The following HTT-AS variants were observed in gnomAD, a reference collection of about 807,000 sequenced individuals.
HTT-AS encodes HTT antisense RNA, also known as HTT antisense RNA (head to head).
At chr4:3,058,051 G>A (rs1711843167) in intron 2 of HTT-AS, among the ~76,000 whole-genome samples, 1 of 151,642 alleles carries the variant, frequency 6.6e-6, no homozygotes, top group Non-Finnish European at 1.5e-5. Context: ...TCTAGGCCAG[G>A]CATGGTGGCT....
intron 1 of HTT-AS, among the ~76,000 whole-genome samples, chr4:3,071,288 C>G (rs1712168181): frequency 6.6e-6 from 1 of 152,142 alleles, no homozygotes; most frequent in Non-Finnish European, 1.5e-5. Context: ...GTCATCTGGG[C>G]CCCCTCCTTC....
rs189044968 is a variant in HTT-AS at position 3,055,788 on chromosome 4, G to A, written n.1381-6090C>T. 2.6e-3 allele frequency among the ~76,000 whole-genome samples: 394 copies of A among 152,264 alleles called. 1 individual carries two copies. The highest frequency in any genetic ancestry group is 0.01 in the Middle Eastern group (3 of 294). On this transcript the variant is annotated intron_variant and non_coding_transcript_variant, in intron 2 of 2. Coordinates refer to ENST00000664062, the Ensembl canonical transcript of HTT-AS. ...GCAAGAAAAATGAAACAAAGGGGTA[G>A]AACACAAACATCCCCACGAATTTTC...
chr4:3,056,477 G>A (rs181389640), intron 2 of HTT-AS, among the ~76,000 whole-genome samples: 10 of 152,288 alleles, frequency 6.6e-5, no homozygotes, highest in East Asian at 1.9e-4. Context: ...TTACAGGTGC[G>A]TAAGTTACAG....
chr4:3,048,177 G>A (rs541264879), downstream of HTT-AS, among the ~76,000 whole-genome samples: 7 of 151,826 alleles, frequency 4.6e-5, no homozygotes, highest in Non-Finnish European at 1.0e-4. Flanking sequence ...TCTCATCTCC[G>A]CAGGTGAGGA....
At position 3,051,028 on chromosome 4, in the gene HTT-AS, ATTTGTG is replaced by A. The variant is rs1438578864; in HGVS notation, n.1381-1336_1381-1331del. Among the ~76,000 whole-genome samples the A allele has an allele frequency of 4.3e-4, 36 of 83,308 alleles. 1 individual carries two copies. The East Asian group carries it at 0.016, about 38-fold the overall frequency. 54.7% of individuals were successfully genotyped at this position (83,308 alleles called of 152,430 possible). On this transcript the variant is annotated intron_variant and non_coding_transcript_variant, in intron 2 of 2. Coordinates refer to ENST00000664062, the Ensembl canonical transcript of HTT-AS. Reference sequence around the variant, plus strand: ...TATAAACCTTTTATAATCCCTTACAATTTGTGTGTGTGTGTGTGTGTGTGTGTGTGT... The same window carrying A: ...TATAAACCTTTTATAATCCCTTACAATGTGTGTGTGTGTGTGTGTGTGTGT...
At chr4:3,048,140 T>A (rs929680031), downstream of HTT-AS, among the ~76,000 whole-genome samples, 1 of 152,168 alleles carries the variant, frequency 6.6e-6, no homozygotes, top group Non-Finnish European at 1.5e-5. Flanking sequence ...TTCTATCTCT[T>A]TGTCTTGTGT....
At chr4:3,057,374 C>T (rs1441331263) in intron 2 of HTT-AS, among the ~76,000 whole-genome samples, 1 of 152,110 alleles carries the variant, frequency 6.6e-6, no homozygotes, top group Non-Finnish European at 1.5e-5. Flanking sequence ...CCTCAAGGTT[C>T]ATCCATGTTG....
chr4:3,056,379 G>A (rs1366252924), intron 2 of HTT-AS, among the ~76,000 whole-genome samples: 1 of 152,196 alleles, frequency 6.6e-6, no homozygotes, highest in Non-Finnish European at 1.5e-5. Flanking sequence ...ATAGCTGGTT[G>A]GTTGCAGCTC....
At chr4:3,061,905 C>T (rs933704632) in intron 2 of HTT-AS, among the ~76,000 whole-genome samples, 3 of 147,350 alleles carry the variant, frequency 2.0e-5, no homozygotes, top group Non-Finnish European at 4.5e-5. Flanking sequence ...TGGCGTGAAC[C>T]GGGGAGGCGG....
rs537364958 is a variant in HTT-AS, at chr4:3,052,861, C to T, written n.1381-3163G>A. ...ATAAAAAAAAATTAGCCGGGCATGGCGGCATGCGCCTATAGTCCCAGCTAT... is the reference window on the plus strand; with the variant it reads ...ATAAAAAAAAATTAGCCGGGCATGGTGGCATGCGCCTATAGTCCCAGCTAT... On this transcript the variant is annotated intron_variant and non_coding_transcript_variant, in intron 2 of 2. Transcript: ENST00000664062. Among the ~76,000 whole-genome samples the T allele has an allele frequency of 5.3e-5, 8 of 152,200 alleles. No homozygotes were observed. In the South Asian group the frequency reaches 6.2e-4, roughly 12 times the overall value.
exon 2 of HTT-AS, chr4:3,063,428 T>C (rs1467120863): frequency 1.3e-5 from 2 of 152,328 alleles, no homozygotes; most frequent in African/African-American, 4.8e-5. Context: ...AATGTCAGTC[T>C]ATCTGTCAGT....
downstream of HTT-AS, among the ~76,000 whole-genome samples, chr4:3,047,703 T>C (rs1711618760): frequency 6.6e-6 from 1 of 152,178 alleles, no homozygotes; most frequent in Non-Finnish European, 1.5e-5. Flanking sequence ...CACCATCTCT[T>C]GTGGAAGGCC....
chr4:3,050,455 T>C (rs1264779105), intron 2 of HTT-AS, among the ~76,000 whole-genome samples: 3 of 152,232 alleles, frequency 2.0e-5, no homozygotes, highest in Admixed American at 1.3e-4. Flanking sequence ...GTTCAAATGA[T>C]ATGATTCTAA....
Position 3,068,080 on chromosome 4 carries a change from T to G in HTT-AS, n.114-4380A>C, listed in dbSNP as rs28718346. Among the ~76,000 whole-genome samples the G allele has an allele frequency of 1.3e-5, 2 of 151,382 alleles. 1 individual carries two copies. The highest frequency in any genetic ancestry group is 1.3e-4 in the Admixed American group (2 of 15,212). ...CAGCACTTTGGGAGGCCGAGGCGGG[T>G]GGATCACGAGGTCAGGAGACCAAGA... On this transcript the variant is annotated intron_variant and non_coding_transcript_variant, in intron 1 of 2. Coordinates refer to ENST00000664062, the Ensembl canonical transcript of HTT-AS.
At chr4:3,069,312 AT>A (rs566283289) in intron 1 of HTT-AS, among the ~76,000 whole-genome samples, 17,209 of 143,478 alleles carry the variant, frequency 0.12, 1,350 homozygotes, top group Non-Finnish European at 0.17. Context: ...CACCTGGCTA[AT>A]TTTTTTTTTT....
downstream of HTT-AS, among the ~76,000 whole-genome samples, chr4:3,047,975 C>T (rs1208590550): frequency 2.0e-5 from 3 of 152,214 alleles, no homozygotes; most frequent in Admixed American, 2.0e-4. Flanking sequence ...GGACACGTGA[C>T]TTGCGTGACC....
chr4:3,064,330 G>A (rs1712002267), intron 1 of HTT-AS, among the ~76,000 whole-genome samples: 1 of 152,034 alleles, frequency 6.6e-6, no homozygotes. Context: ...TCCTTACCTT[G>A]TGATCCGCCT....
At chr4:3,056,434 T>C (rs1711805694) in intron 2 of HTT-AS, among the ~76,000 whole-genome samples, 1 of 152,234 alleles carries the variant, frequency 6.6e-6, no homozygotes, top group African/African-American at 2.4e-5. Context: ...GAGTGAAATA[T>C]GGCTGCTGGG....
intron 1 of HTT-AS, among the ~76,000 whole-genome samples, chr4:3,067,855 A>T (rs562972031): frequency 6.6e-6 from 1 of 152,196 alleles, no homozygotes. Flanking sequence ...CAACAAGCAG[A>T]CTTGTCTCTC....
Sources: allele counts gnomAD v4.1 joint callset (sites outside exome capture counted in the v4.1 genomes callset), GRCh38; gene constraint gnomAD v4.1.1; transcripts MANE v1.5; gene names NCBI Gene and HGNC (gene_info 2026-07-23, HGNC 2026-07-21).